Variants in PDE11A observed in about 807,000 individuals in gnomAD.
PDE11A encodes phosphodiesterase 11A, also known as dual 3',5'-cyclic-AMP and -GMP phosphodiesterase 11A.
In PDE11A, 100 loss-of-function variants were observed where a neutral mutation model predicts 100.5. The observed-to-expected ratio is 1.00, with a 90% CI of 0.85 to 1.18. PDE11A has a LOEUF of 1.18. PDE11A is among the 50% of genes most tolerant of loss of function. The pLI is 0.00. For missense variants in PDE11A, 1,141 were observed against 1,152.6 expected (o/e 0.99, Z 0.15); for synonymous variants, 381 against 420.8 (o/e 0.91, Z 1.16).
intron 2 of PDE11A, among the ~76,000 whole-genome samples, chr2:177,940,796 GAGTCTCTTAGTAGGA>G (rs2085337432): frequency 6.6e-6 from 1 of 152,146 alleles, no homozygotes; most frequent in South Asian, 2.1e-4. Context: ...TATATACCGT[GAGTCTCTTAGTAGGA>G]CATCGTTTAC....
chr2:178,031,469 G>A (rs1309090352), intron 1 of PDE11A, among the ~76,000 whole-genome samples: 1 of 151,626 alleles, frequency 6.6e-6, no homozygotes, highest in Non-Finnish European at 1.5e-5. Flanking sequence ...AGAGTTGTTG[G>A]ATTCCAAATT....
intron 7 of PDE11A, among the ~76,000 whole-genome samples, chr2:177,818,251 T>C (rs1017501118): frequency 6.8e-6 from 1 of 146,284 alleles, no homozygotes; most frequent in East Asian, 2.0e-4. Flanking sequence ...TAGCTGAATA[T>C]GTGTGTGTAT....
intron 1 of PDE11A, among the ~76,000 whole-genome samples, chr2:178,020,691 G>A (rs762377236): frequency 6.6e-6 from 1 of 151,894 alleles, no homozygotes; most frequent in Non-Finnish European, 1.5e-5. Flanking sequence ...ACTCCTACTC[G>A]GCAGGCTGAG....
intron 9 of PDE11A, among the ~76,000 whole-genome samples, chr2:177,793,111 A>C (rs1333615076): frequency 6.6e-6 from 1 of 152,202 alleles, no homozygotes; most frequent in Non-Finnish European, 1.5e-5. Context: ...TAGGGCATGT[A>C]AGTGGGCAGA....
chr2:178,076,076 G>A (rs1017043977), upstream of PDE11A, among the ~76,000 whole-genome samples: 3 of 152,174 alleles, frequency 2.0e-5, no homozygotes, highest in Admixed American at 6.5e-5. Flanking sequence ...GTGATATTGT[G>A]AAGATACTGT....
intron 3 of PDE11A, 75 bp from the exon 4 acceptor site, chr2:177,898,273 T>C (rs1333894672): frequency 2.1e-6 from 2 of 937,732 alleles, no homozygotes; most frequent in Non-Finnish European, 3.4e-6. Flanking sequence ...TAAAATTTAA[T>C]CTTTGCTTCA....
rs148246252 is a variant in PDE11A, at chr2:177,756,892, G to T, written c.1788+12431C>A. 3.2e-3 allele frequency among the ~76,000 whole-genome samples: 488 copies of T among 152,300 alleles called. 5 individuals carry two copies. The East Asian group carries it at 0.046, about 14-fold the overall frequency. ...AACAAACCAAAACATTCTTAGCAAG[G>T]TCTGTTGAAACCTGAACCCATCTAT... is the stretch of plus-strand genomic sequence containing the variant. On this transcript the variant is annotated intron_variant, in intron 10 of 19. Transcript: ENST00000286063.
intron 9 of PDE11A, among the ~76,000 whole-genome samples, chr2:177,799,709 G>T (rs1308891147): frequency 6.6e-6 from 1 of 152,158 alleles, no homozygotes; most frequent in African/African-American, 2.4e-5. Flanking sequence ...TCTGAAAGAA[G>T]ATGGGAAGGC....
At chr2:177,759,768 CA>C (rs111796742) in intron 10 of PDE11A, among the ~76,000 whole-genome samples, 8 of 152,192 alleles carry the variant, frequency 5.3e-5, no homozygotes, top group African/African-American at 1.9e-4. Context: ...AACCCCAGGG[CA>C]AAAAGTCACA....
intron 2 of PDE11A, among the ~76,000 whole-genome samples, chr2:178,090,995 T>C (rs992378745): frequency 2.6e-5 from 4 of 152,214 alleles, no homozygotes; most frequent in Non-Finnish European, 5.9e-5. Context: ...CTGGAAATCA[T>C]TGTCAATATG....
intron 1 of PDE11A, among the ~76,000 whole-genome samples, chr2:178,026,977 C>T (rs112382076): frequency 0.021 from 3,146 of 152,128 alleles, 43 homozygotes; most frequent in Non-Finnish European, 0.031. Context: ...TCAAACCCTG[C>T]CAAGACATAT....
chr2:178,027,704 A>T (rs2086494908), intron 1 of PDE11A, among the ~76,000 whole-genome samples: 1 of 152,120 alleles, frequency 6.6e-6, no homozygotes, highest in Admixed American at 6.5e-5. Flanking sequence ...TGCCAAAGGA[A>T]CTTGGTGGTA....
At chr2:178,063,892 A>T (rs1356918043) in intron 1 of PDE11A, among the ~76,000 whole-genome samples, 1 of 152,250 alleles carries the variant, frequency 6.6e-6, no homozygotes, top group Non-Finnish European at 1.5e-5. Context: ...AGGTACTACC[A>T]CATTTTAGAT....
chr2:178,077,754 T>C (rs1246421349), upstream of PDE11A, among the ~76,000 whole-genome samples: 2 of 152,000 alleles, frequency 1.3e-5, no homozygotes, highest in Non-Finnish European at 2.9e-5. Context: ...CTAAATCAAG[T>C]GACACTTTCC....
chr2:177,887,327 T>C (rs996369701), intron 4 of PDE11A, among the ~76,000 whole-genome samples: 5 of 152,074 alleles, frequency 3.3e-5, no homozygotes, highest in Admixed American at 1.3e-4. Flanking sequence ...AGCTAAAAAT[T>C]TGAACACACC....
intron 1 of PDE11A, among the ~76,000 whole-genome samples, chr2:178,066,718 G>A (rs2105869444): frequency 6.6e-6 from 1 of 152,362 alleles, no homozygotes; most frequent in Non-Finnish European, 1.5e-5. Flanking sequence ...GGAAGTGCAA[G>A]GATGTGGCCC....
intron 4 of PDE11A, among the ~76,000 whole-genome samples, chr2:177,879,614 T>C (rs1463339008): frequency 6.6e-6 from 1 of 152,116 alleles, no homozygotes; most frequent in Non-Finnish European, 1.5e-5. Flanking sequence ...ACTTCTGGTT[T>C]CACATCTTAA....
At chr2:178,019,420 A>C (rs1355212064) in intron 1 of PDE11A, among the ~76,000 whole-genome samples, 1 of 152,188 alleles carries the variant, frequency 6.6e-6, no homozygotes, top group African/African-American at 2.4e-5. Context: ...AAAGTATAAA[A>C]AATTGTTATT....
chr2:177,860,121 G>C (rs966344350), intron 5 of PDE11A, among the ~76,000 whole-genome samples: 13 of 151,112 alleles, frequency 8.6e-5, no homozygotes, highest in African/African-American at 3.2e-4. Flanking sequence ...ACTAGAGGGA[G>C]AATAAACAAA....
Sources: gnomAD v4.1 joint callset for allele counts (sites outside exome capture counted in the v4.1 genomes callset) on GRCh38, gnomAD v4.1.1 for gene constraint, MANE v1.5 for transcripts, NCBI Gene and HGNC (gene_info 2026-07-23, HGNC 2026-07-21) for gene names.